KIAA0319: variants seen among roughly 807,000 people sequenced by gnomAD.
KIAA0319 encodes dyslexia-associated protein KIAA0319.
In KIAA0319, 83 loss-of-function variants were observed where a neutral mutation model predicts 108.4. The ratio of observed to expected loss-of-function variants is 0.77; its 90% CI spans 0.64 to 0.92. The LOEUF (loss-of-function observed/expected upper bound fraction) is 0.92. KIAA0319 is among the 40% of genes least tolerant of loss of function. The pLI is 0.00. For synonymous variants in KIAA0319, 484 were observed against 510.4 expected (o/e 0.95, Z 0.70); for missense variants, 1,195 against 1,322.4 (o/e 0.90, Z 1.49).
intron 18 of KIAA0319, among the ~76,000 whole-genome samples, chr6:24,555,386 A>G (rs1220160706): frequency 6.6e-6 from 1 of 151,430 alleles, no homozygotes; most frequent in Non-Finnish European, 1.5e-5. Context: ...AATACCAGCT[A>G]CTTGGGAGGC....
chr6:24,604,641 T>G (rs1286713388), intron 1 of KIAA0319, among the ~76,000 whole-genome samples: 1 of 152,182 alleles, frequency 6.6e-6, no homozygotes, highest in Non-Finnish European at 1.5e-5. Flanking sequence ...TGTCATTATC[T>G]CAGTGCAAAC....
intron 6 of KIAA0319, among the ~76,000 whole-genome samples, chr6:24,581,350 T>G (rs1766514730): frequency 6.6e-6 from 1 of 152,144 alleles, no homozygotes. Context: ...GCCGGTGGTC[T>G]GGATGCCACA....
At chr6:24,569,371 T>G (rs1275744498) in intron 12 of KIAA0319, among the ~76,000 whole-genome samples, 1 of 152,116 alleles carries the variant, frequency 6.6e-6, no homozygotes, top group African/African-American at 2.4e-5. Flanking sequence ...CAAAAATACC[T>G]CAGTTTGGGT....
intron 1 of KIAA0319, among the ~76,000 whole-genome samples, chr6:24,644,751 T>C (rs1474162655): frequency 6.6e-6 from 1 of 152,254 alleles, no homozygotes; most frequent in Non-Finnish European, 1.5e-5. Flanking sequence ...AATTAAGTTC[T>C]TGCCTCGGCA....
At chr6:24,550,485 T>C (rs1761315076) in intron 20 of KIAA0319, among the ~76,000 whole-genome samples, 1 of 152,224 alleles carries the variant, frequency 6.6e-6, no homozygotes, top group Non-Finnish European at 1.5e-5. Flanking sequence ...TTTCATTAAG[T>C]ATGCAACAGT....
intron 1 of KIAA0319, among the ~76,000 whole-genome samples, chr6:24,609,405 C>T (rs565099905): frequency 2.0e-5 from 3 of 151,738 alleles, no homozygotes; most frequent in South Asian, 2.1e-4. Flanking sequence ...GATGAAACCC[C>T]GTCTGTACTA....
In KIAA0319 at chr6:24,569,890, C is replaced by T. The variant is rs930262390; in HGVS notation, c.1991+13G>A. On this transcript the variant is annotated intron_variant, in intron 12 of 20. Coordinates refer to ENST00000378214, the MANE Select transcript of KIAA0319 (RefSeq NM_014809.4). The stretch of plus-strand genomic sequence containing the variant: ...CATGGGCATGAACCTAGCTCAGTGG[C>T]GAGACAGACTACCTGACGTGCTCCC... 6.2e-6 allele frequency: 10 copies of T among 1,613,210 alleles called. No homozygotes were observed. The highest frequency in any genetic ancestry group is 4.0e-5 in the African/African-American group (3 of 74,900).
At chr6:24,554,263 G>A (rs1479973285) in intron 19 of KIAA0319, among the ~76,000 whole-genome samples, 2 of 152,174 alleles carry the variant, frequency 1.3e-5, no homozygotes. Context: ...GGTTGAGTGA[G>A]AAAACAGTAC....
chr6:24,593,961 G>A (rs1352862586), intron 3 of KIAA0319, among the ~76,000 whole-genome samples: 1 of 151,140 alleles, frequency 6.6e-6, no homozygotes, highest in Non-Finnish European at 1.5e-5. Context: ...AGCACTTTGG[G>A]AGGCCGAGGC....
chr6:24,551,207 G>A (rs114172682), intron 20 of KIAA0319, among the ~76,000 whole-genome samples: 4,087 of 151,184 alleles, frequency 0.027, 71 homozygotes, highest in South Asian at 0.059. Flanking sequence ...GGGTGGTCTC[G>A]AACTACTGAG....
At chr6:24,556,470 TTTG>T in intron 18 of KIAA0319, 134 bp downstream of exon 18, 2 of 926,762 alleles carry the variant, frequency 2.2e-6, no homozygotes, top group Non-Finnish European at 1.6e-6. Context: ...CCTGGCTTAT[TTTG>T]TTATTTTTTT....
At chr6:24,615,614 T>C (rs536125248) in intron 1 of KIAA0319, among the ~76,000 whole-genome samples, 4 of 152,316 alleles carry the variant, frequency 2.6e-5, no homozygotes, top group Non-Finnish European at 4.4e-5. Context: ...TAATCACTTT[T>C]AAAGGCAAAC....
In KIAA0319 at chr6:24,581,001, G is replaced by A. The variant is rs1479807586; in HGVS notation, c.1204C>T (p.Leu402Phe). ...GAAACAGTGACTTTGAAGACATAAA[G>A]TCCGACGGACAACTGTAACATAAAG... ...TLNLSQLSVG[L>F]YVFKVTVSSE... is the part of the protein sequence containing the mutation. The change falls in exon 7 of 21, where the codon CTT (leucine) becomes TTT (phenylalanine). Residue 402 changes from leucine (L) to phenylalanine (F), a missense_variant. Coordinates refer to ENST00000378214, the MANE Select transcript of KIAA0319 (RefSeq NM_014809.4). 3 of 1,608,528 alleles carry A rather than the reference G, an allele frequency of 1.9e-6. No homozygotes were observed. The highest frequency in any genetic ancestry group is 2.6e-6 in the Non-Finnish European group (3 of 1,175,260).
chr6:24,557,250 C>T (rs1006867922), intron 17 of KIAA0319, among the ~76,000 whole-genome samples: 1 of 152,048 alleles, frequency 6.6e-6, no homozygotes, highest in African/African-American at 2.4e-5. Context: ...GCCTGTAATC[C>T]CGGCACTTTG....
At position 24,583,601 on chromosome 6, in the gene KIAA0319, C is replaced by T. The variant is rs372651084; in HGVS notation, c.1093+3G>A. 8.0e-5 allele frequency: 128 copies of T among 1,606,928 alleles called. No homozygotes were observed. The highest frequency in any genetic ancestry group is 1.0e-4 in the Non-Finnish European group (117 of 1,173,756). On this transcript the variant is annotated splice_donor_region_variant and intron_variant, in intron 5 of 20. Transcript: ENST00000378214. Reference sequence around the variant, plus strand: ...TGGTCAGGGAGGAAGGTTAAACTCTCACCTACAGGTGGCGCTGGCGCAACA... The same window carrying T: ...TGGTCAGGGAGGAAGGTTAAACTCTTACCTACAGGTGGCGCTGGCGCAACA...
At chr6:24,598,402 A>G in intron 2 of KIAA0319, 1 of 604,076 alleles carries the variant, frequency 1.7e-6, no homozygotes, top group Non-Finnish European at 3.2e-6. Context: ...GACCAACTGG[A>G]GCCTCCTGCA....
At chr6:24,579,416 T>G (rs189251203) in intron 8 of KIAA0319, among the ~76,000 whole-genome samples, 15 of 141,602 alleles carry the variant, frequency 1.1e-4, no homozygotes, top group African/African-American at 3.9e-4. Context: ...TATAAAGATA[T>G]ATATATATAT....
chr6:24,559,220 C>T lies in KIAA0319; in HGVS notation c.2592-65G>A, dbSNP rs138664101. ...GATGGTGACTACCATGACACGCCCACCACAGCATCTGACCTGTGAAACTGG... is the reference window on the plus strand; with the variant it reads ...GATGGTGACTACCATGACACGCCCATCACAGCATCTGACCTGTGAAACTGG... On this transcript the variant is annotated intron_variant, in intron 16 of 20. Transcript: ENST00000378214. The T allele has an allele frequency of 3.0e-3, 4,743 of 1,559,738 alleles. 15 individuals are homozygous for T. Among genetic ancestry groups the T allele is most frequent in the Admixed American group, 4.0e-3 (226 of 56,804 alleles).
intron 4 of KIAA0319, among the ~76,000 whole-genome samples, chr6:24,584,638 C>T (rs998365425): frequency 9.9e-5 from 15 of 152,068 alleles, no homozygotes; most frequent in Non-Finnish European, 2.9e-5. Context: ...AAGTCAGCAA[C>T]TGTAGACCTA....
Sources: gnomAD v4.1 joint callset for allele counts (sites outside exome capture counted in the v4.1 genomes callset) on GRCh38, gnomAD v4.1.1 for gene constraint, MANE v1.5 for transcripts, NCBI Gene and HGNC (gene_info 2026-07-23, HGNC 2026-07-21) for gene names.